The following KLHL29 variants were observed in gnomAD, a reference collection of about 807,000 sequenced individuals.
KLHL29 encodes the protein kelch like family member 29.
KLHL29 carries 21 observed loss-of-function variants against 80.4 expected under a neutral mutation model. That is an observed-to-expected ratio of 0.26 (90% CI 0.19 to 0.38). KLHL29 has a LOEUF of 0.38. KLHL29 is among the 10% of genes least tolerant of loss of function. The pLI is 1.00. For missense variants in KLHL29, 867 were observed against 1,223.9 expected, an observed-to-expected ratio of 0.71 and a Z score of 4.35; for synonymous variants, 511 against 526.8, an observed-to-expected ratio of 0.97 and a Z score of 0.41.
At chr2:23,595,762 G>T (rs1251725538) in intron 3 of KLHL29, among the ~76,000 whole-genome samples, 1 of 152,166 alleles carries the variant, frequency 6.6e-6, no homozygotes, top group Non-Finnish European at 1.5e-5. Context: ...ACCAAATCTT[G>T]CAGACTGCCC....
At chr2:23,599,022 G>A (rs1298774928) in intron 3 of KLHL29, among the ~76,000 whole-genome samples, 2 of 152,242 alleles carry the variant, frequency 1.3e-5, no homozygotes. Context: ...CAAGATTCCT[G>A]TCCCAGGCAT....
chr2:23,584,943 G>A (rs1311151190), intron 3 of KLHL29, among the ~76,000 whole-genome samples: 1 of 152,158 alleles, frequency 6.6e-6, no homozygotes, highest in African/African-American at 2.4e-5. Context: ...CGCCATGTTG[G>A]CTAGGCTGGT....
intron 1 of KLHL29, among the ~76,000 whole-genome samples, chr2:23,460,777 AG>A (rs1664187143): frequency 6.6e-6 from 1 of 151,372 alleles, no homozygotes. Flanking sequence ...GTGCAAACTC[AG>A]GAGCTTCCCG....
At chr2:23,611,608 C>T (rs1278946118) in intron 3 of KLHL29, among the ~76,000 whole-genome samples, 16 of 152,072 alleles carry the variant, frequency 1.1e-4, no homozygotes, top group African/African-American at 2.4e-4. Flanking sequence ...GAATCTGTAA[C>T]GTAATTTCAA....
intron 2 of KLHL29, among the ~76,000 whole-genome samples, chr2:23,504,906 T>TG (rs1337700269): frequency 6.6e-6 from 1 of 152,186 alleles, no homozygotes; most frequent in Non-Finnish European, 1.5e-5. Flanking sequence ...ATGGCCCTGG[T>TG]GACCCAGCTC....
At chr2:23,703,412 AG>A (rs751865696) in intron 12 of KLHL29, 33 bp downstream of exon 12, 3 of 1,432,922 alleles carry the variant, frequency 2.1e-6, no homozygotes, top group Non-Finnish European at 2.8e-6. Flanking sequence ...GCCCAGGGCC[AG>A]GGTCGCATCC....
intron 3 of KLHL29, among the ~76,000 whole-genome samples, chr2:23,571,361 G>A (rs1304958305): frequency 6.6e-6 from 1 of 152,246 alleles, no homozygotes; most frequent in Admixed American, 6.5e-5. Flanking sequence ...TGACCTCGTG[G>A]TCTGTAGTGG....
At chr2:23,431,901 C>CAAAAAA (rs11357606) in intron 1 of KLHL29, among the ~76,000 whole-genome samples, 2 of 67,904 alleles carry the variant, frequency 2.9e-5, no homozygotes, top group Non-Finnish European at 3.0e-5. Context: ...GACTCCATCT[C>CAAAAAA]AAAAAAAAAA....
At chr2:23,578,348 C>T in intron 3 of KLHL29, among the ~76,000 whole-genome samples, 1 of 152,188 alleles carries the variant, frequency 6.6e-6, no homozygotes, top group Non-Finnish European at 1.5e-5. Flanking sequence ...GACTCTCCCA[C>T]TTTCTAACTG....
At chr2:23,563,240 C>T (rs189780531) in intron 3 of KLHL29, among the ~76,000 whole-genome samples, 4 of 152,366 alleles carry the variant, frequency 2.6e-5, no homozygotes, top group African/African-American at 9.6e-5. Context: ...GTTGCCAAGG[C>T]TCTTGCTTGG....
At chr2:23,629,573 G>A (rs1177849406) in intron 3 of KLHL29, among the ~76,000 whole-genome samples, 2 of 152,164 alleles carry the variant, frequency 1.3e-5, no homozygotes, top group Non-Finnish European at 2.9e-5. Context: ...CTGGGAGGGG[G>A]GCTTGGAGGA....
At chr2:23,673,139 C>T (rs1670815004) in intron 5 of KLHL29, among the ~76,000 whole-genome samples, 1 of 152,094 alleles carries the variant, frequency 6.6e-6, no homozygotes, top group Non-Finnish European at 1.5e-5. Flanking sequence ...ACATGCCAGG[C>T]CTCATGCTCA....
intron 2 of KLHL29, among the ~76,000 whole-genome samples, chr2:23,492,238 A>C (rs938786815): frequency 1.3e-5 from 2 of 152,210 alleles, no homozygotes; most frequent in African/African-American, 4.8e-5. Flanking sequence ...TGCTATTCCC[A>C]TGGGCCTCTC....
chr2:23,394,834 G>A (rs944515251), intron 1 of KLHL29, among the ~76,000 whole-genome samples: 1 of 152,320 alleles, frequency 6.6e-6, no homozygotes, highest in African/African-American at 2.4e-5. Flanking sequence ...TTCTGAATTT[G>A]CCTGCAAGGC....
chr2:23,477,981 T>G (rs1275715219), intron 2 of KLHL29, among the ~76,000 whole-genome samples: 1 of 152,144 alleles, frequency 6.6e-6, no homozygotes, highest in Non-Finnish European at 1.5e-5. Context: ...CGTCCTGAGC[T>G]CTGGCAATCA....
In KLHL29 at chr2:23,684,307, A is replaced by T; in HGVS notation, c.941-92A>T. ...AATATCAAGTATTTCCTATTTCTCT[A>T]CTTCTTGAAAAAAGAAAAAAAACTT... On this transcript the variant is annotated intron_variant, in intron 5 of 13. Transcript: ENST00000486442. The surrounding 1 kb of genome is among the most constrained non-coding windows in gnomAD (Gnocchi z 4.4). 2.1e-6 allele frequency: 2 copies of T among 949,864 alleles called. No individual in the cohort carries two copies. The highest frequency in any genetic ancestry group is 2.9e-6 in the Non-Finnish European group (2 of 694,924). 58.8% of individuals were successfully genotyped at this position (949,864 alleles called of 1,614,324 possible).
rs1272741242 is a variant in KLHL29, at chr2:23,562,152, G to T, written c.-45G>T. On this transcript the variant is annotated splice_region_variant and 5_prime_UTR_variant, in exon 3 of 14. Coordinates refer to ENST00000486442, the MANE Select transcript of KLHL29 (RefSeq NM_052920.2). This position sits in a 1 kb window ranked among gnomAD's most constrained non-coding sequence, Gnocchi z 4.5. ...CCTTCTCTCCACCCTGTCACCACAG[G>T]TCCGGGCTCTGTTTCCCTGTGAGAA... 1.9e-6 allele frequency: 3 copies of T among 1,547,802 alleles called. No individual in the cohort carries two copies. The highest frequency in any genetic ancestry group is 3.9e-5 in the Admixed American group (2 of 50,970).
At chr2:23,403,726 A>AGAGAGAGT (rs534136885) in intron 1 of KLHL29, among the ~76,000 whole-genome samples, 5 of 144,012 alleles carry the variant, frequency 3.5e-5, no homozygotes, top group Non-Finnish European at 7.5e-5. Flanking sequence ...AGAGAGAGAG[A>AGAGAGAGT]GTGTGTGTGT....
intron 5 of KLHL29, among the ~76,000 whole-genome samples, chr2:23,679,257 T>C (rs1671009647): frequency 6.6e-6 from 1 of 151,748 alleles, no homozygotes; most frequent in Admixed American, 6.6e-5. Context: ...GATCCTGGTT[T>C]AGCAGTTTGG....
Sources: allele counts gnomAD v4.1 joint callset (sites outside exome capture counted in the v4.1 genomes callset), GRCh38; gene constraint gnomAD v4.1.1; non-coding constraint Gnocchi (gnomAD v3.1); transcripts MANE v1.5; gene names NCBI Gene and HGNC (gene_info 2026-07-23, HGNC 2026-07-21).